The following HEATR9 variants were observed in gnomAD, a reference collection of about 807,000 sequenced individuals.
HEATR9 encodes the protein protein HEATR9.
In HEATR9, 54 loss-of-function variants were observed where a neutral mutation model predicts 68.2. The observed-to-expected ratio is 0.79, with a 90% CI of 0.64 to 0.99. HEATR9 has a LOEUF of 0.99. Among genes scored for constraint, HEATR9 ranks in the 50% least tolerant of loss-of-function variants. The pLI is 0.00. For missense variants in HEATR9, 662 were observed against 679.7 expected, an observed-to-expected ratio of 0.97 and a Z score of 0.29; for synonymous variants, 241 against 253.5, an observed-to-expected ratio of 0.95 and a Z score of 0.47.
intron 11 of HEATR9, 98 bp from the exon 12 acceptor site, chr17:35,856,903 G>A: frequency 2.7e-6 from 3 of 1,119,774 alleles, no homozygotes; most frequent in East Asian, 2.6e-5. Context: ...TTTGTGCTAT[G>A]TAGAGTCCCT....
At chr17:35,859,293 C>T (rs886597778) in intron 8 of HEATR9, among the ~76,000 whole-genome samples, 9 of 152,174 alleles carry the variant, frequency 5.9e-5, no homozygotes, top group African/African-American at 2.2e-4. Flanking sequence ...AACACTTCTG[C>T]TGTGTTAATT....
At chr17:35,863,738 T>C in intron 6 of HEATR9, 179 bp from the exon 7 acceptor site, 1 of 660,442 alleles carries the variant, frequency 1.5e-6, no homozygotes, top group Non-Finnish European at 2.6e-6. Context: ...AACAATACAG[T>C]TGGGAGTTAG....
chr17:35,862,477 T>G (rs998324319), intron 8 of HEATR9, among the ~76,000 whole-genome samples: 4 of 152,180 alleles, frequency 2.6e-5, no homozygotes, highest in Admixed American at 6.5e-5. Flanking sequence ...CCATAATAAG[T>G]TATTTTAGAG....
Position 35,863,503 on chromosome 17 carries a change from C to T in HEATR9, c.624G>A (p.Leu208=), listed in dbSNP as rs1402490021. 1.9e-6 allele frequency: 3 copies of T among 1,614,162 alleles called. No homozygotes were observed. Among genetic ancestry groups the T allele is most frequent in the Admixed American group, 3.3e-5 (2 of 60,022 alleles). The change falls in exon 7 of 15, where the codon CTG becomes CTA. Residue 208 remains leucine, a splice_region_variant and synonymous_variant. Transcript: ENST00000604834. ...KYEAYRTLAI[L]GCLNKHVIRA... ...CACCAAGGGAGAAGACATACTCACC[C>T]AGGATGGCCAGGGTTCGGTAGGCCT...
intron 8 of HEATR9, among the ~76,000 whole-genome samples, chr17:35,860,709 T>C (rs2087956633): frequency 6.6e-6 from 1 of 151,558 alleles, no homozygotes; most frequent in African/African-American, 2.4e-5. Context: ...CAGGATGGTC[T>C]CAATCTCCTG....
intron 8 of HEATR9, chr17:35,861,570 G>T (rs538052853): frequency 4.0e-5 from 30 of 746,360 alleles, no homozygotes; most frequent in Middle Eastern, 3.7e-4. Flanking sequence ...TACGCATGTT[G>T]AACCTGTGTT....
rs577772801 is a variant in HEATR9, at chr17:35,856,570, T to TA, written c.1226+161dup. ...AACAAAAGCTCAGGGGTCAAAGAGTTACTTGGTTAGGGGCATGGGCAAGGG... is the reference window on the plus strand; with the variant it reads ...AACAAAAGCTCAGGGGTCAAAGAGTTAACTTGGTTAGGGGCATGGGCAAGGG... On this transcript the variant is annotated intron_variant, in intron 12 of 14. Transcript: ENST00000604834. 7.2e-5 allele frequency among the ~76,000 whole-genome samples: 11 copies of TA among 152,296 alleles called. No homozygotes were observed. The South Asian group carries it at 1.9e-3, about 26-fold the overall frequency.
At position 35,858,427 on chromosome 17, in the gene HEATR9, G is replaced by A. The variant is rs762049546; in HGVS notation, c.1032+6C>T. 56 of 1,613,980 alleles carry A rather than the reference G, an allele frequency of 3.5e-5. No homozygotes were observed. The highest frequency in any genetic ancestry group is 3.3e-4 in the Middle Eastern group (2 of 6,082). Reference sequence around the variant, plus strand: ...AAAGGAAGGGTTCAGGCAGTCCAGAGCTTACCTCAAGGACACTGGAAGAAC... The same window carrying A: ...AAAGGAAGGGTTCAGGCAGTCCAGAACTTACCTCAAGGACACTGGAAGAAC... On this transcript the variant is annotated splice_donor_region_variant and intron_variant, in intron 10 of 14. Coordinates refer to ENST00000604834, the MANE Select transcript of HEATR9 (RefSeq NM_152781.4).
chr17:35,868,401 G>C (rs1247832502), intron 1 of HEATR9, among the ~76,000 whole-genome samples: 1 of 152,228 alleles, frequency 6.6e-6, no homozygotes, highest in Non-Finnish European at 1.5e-5. Flanking sequence ...TGAGGGTAAA[G>C]AGCAGGGTAC....
chr17:35,864,848 A>T lies in HEATR9; in HGVS notation c.363T>A (p.His121Gln), dbSNP rs761428746. Residue 121 changes from histidine to glutamine, a missense_variant, in exon 4 of 15, where the codon CAT (histidine) becomes CAA (glutamine). Coordinates refer to ENST00000604834, the MANE Select transcript of HEATR9 (RefSeq NM_152781.4). ...EVHQTHIKMFHLPMSKLTIKS... is the reference protein window; with the variant it reads ...EVHQTHIKMFQLPMSKLTIKS... Reference sequence around the variant, plus strand: ...TTATAGTCAGCTTGCTCATTGGGAGATGGAACATTTTGATGTGGGTTTGAT... The same window carrying T: ...TTATAGTCAGCTTGCTCATTGGGAGTTGGAACATTTTGATGTGGGTTTGAT... 3.7e-6 allele frequency: 6 copies of T among 1,614,042 alleles called. No individual in the cohort carries two copies. Among genetic ancestry groups the T allele is most frequent in the Non-Finnish European group, 5.1e-6 (6 of 1,180,032 alleles).
At chr17:35,860,264 C>T (rs1297254687) in intron 8 of HEATR9, among the ~76,000 whole-genome samples, 2 of 149,910 alleles carry the variant, frequency 1.3e-5, no homozygotes, top group East Asian at 2.0e-4. Context: ...CAGTGGCAGC[C>T]GCCTGTAGTC....
At chr17:35,863,800 A>G in intron 6 of HEATR9, 1 of 590,004 alleles carries the variant, frequency 1.7e-6, no homozygotes, top group South Asian at 2.1e-5. Context: ...GCCCTGGGCA[A>G]GTCCCTTGGT....
chr17:35,868,887 C>G lies in HEATR9; in HGVS notation c.-145G>C. 1 of 659,484 alleles carries G rather than the reference C, an allele frequency of 1.5e-6. No individual in the cohort carries two copies. Among genetic ancestry groups the G allele is most frequent in the South Asian group, 1.9e-5 (1 of 51,376 alleles). 40.9% of individuals were successfully genotyped at this position (659,484 alleles called of 1,614,324 possible). A position where few individuals can be genotyped will look rare whatever the true frequency, so the allele number is the denominator to read the frequency against. On this transcript the variant is annotated 5_prime_UTR_variant, in exon 1 of 15. Transcript: ENST00000604834. Reference sequence around the variant, plus strand: ...CTGGACTTCTGGAGGTAGAAGCTTCCAAGTGCTAAGCGACCAGGTTACTTT... The same window carrying G: ...CTGGACTTCTGGAGGTAGAAGCTTCGAAGTGCTAAGCGACCAGGTTACTTT...
At chr17:35,861,537 C>G (rs182036041) in intron 8 of HEATR9, 2 of 873,006 alleles carry the variant, frequency 2.3e-6, no homozygotes, top group African/African-American at 1.6e-5. Context: ...AGATGGGCCT[C>G]GAAGAGAAAT....
At chr17:35,863,173 C>T (rs1568321662) in intron 7 of HEATR9, 48 bp from the exon 8 acceptor site, 4 of 1,609,676 alleles carry the variant, frequency 2.5e-6, no homozygotes, top group East Asian at 2.2e-5. Context: ...TGGTACTGCC[C>T]CTCTCTGCAA....
At chr17:35,861,798 C>G (rs1192573553) in intron 8 of HEATR9, among the ~76,000 whole-genome samples, 1 of 152,098 alleles carries the variant, frequency 6.6e-6, no homozygotes, top group African/African-American at 2.4e-5. Flanking sequence ...CACTCTTACC[C>G]TGCTATGTAA....
intron 8 of HEATR9, among the ~76,000 whole-genome samples, chr17:35,860,812 G>A (rs879440348): frequency 4.6e-4 from 70 of 152,034 alleles, no homozygotes; most frequent in Non-Finnish European, 4.9e-4. Flanking sequence ...TTGGGAGGTC[G>A]AGGTGGGTGA....
intron 9 of HEATR9, 55 bp downstream of exon 9, chr17:35,858,833 C>T (rs1473979347): frequency 2.5e-6 from 4 of 1,583,356 alleles, no homozygotes; most frequent in Non-Finnish European, 3.4e-6. Context: ...AGACCACACA[C>T]AATTCAGCAG....
chr17:35,858,128 G>A, intron 11 of HEATR9, 72 bp downstream of exon 11: 1 of 1,590,942 alleles, frequency 6.3e-7, no homozygotes, highest in Non-Finnish European at 8.6e-7. Flanking sequence ...TGGAGGCCAG[G>A]GGAGGTCTCC....
Sources: allele counts gnomAD v4.1 joint callset (sites outside exome capture counted in the v4.1 genomes callset), GRCh38; gene constraint gnomAD v4.1.1; transcripts MANE v1.5; gene names NCBI Gene and HGNC (gene_info 2026-07-23, HGNC 2026-07-21).